The following ADGRG6 variants were observed in gnomAD, a reference collection of about 807,000 sequenced individuals.
ADGRG6 encodes the protein adhesion G protein-coupled receptor G6.
A neutral mutation model predicts 142.4 loss-of-function variants in ADGRG6; 84 were observed. The ratio of observed to expected loss-of-function variants is 0.59; its 90% CI spans 0.49 to 0.71. The LOEUF is 0.71. Among genes scored for constraint, ADGRG6 ranks in the 30% least tolerant of loss-of-function variants. ADGRG6 has a pLI of 0.00. For synonymous variants in ADGRG6, 521 were observed against 520.5 expected, an observed-to-expected ratio of 1.00 and a Z score of -0.01; for missense variants, 1,367 against 1,466.6, an observed-to-expected ratio of 0.93 and a Z score of 1.11.
At chr6:142,414,596 G>T (rs1582654885) in intron 18 of ADGRG6, among the ~76,000 whole-genome samples, 1 of 152,106 alleles carries the variant, frequency 6.6e-6, no homozygotes, top group Non-Finnish European at 1.5e-5. Context: ...ATTTGAACTG[G>T]TGCCCCAAGC....
chr6:142,413,858 T>A (rs1776215592), intron 18 of ADGRG6, among the ~76,000 whole-genome samples: 2 of 151,280 alleles, frequency 1.3e-5, no homozygotes, highest in Admixed American at 1.3e-4. Flanking sequence ...ACCTGTTCTT[T>A]ACTGCATCAG....
At chr6:142,411,617 T>G (rs1776093198) in intron 18 of ADGRG6, among the ~76,000 whole-genome samples, 1 of 152,152 alleles carries the variant, frequency 6.6e-6, no homozygotes, top group Non-Finnish European at 1.5e-5. Context: ...GAAAAGAACT[T>G]TCTCCCTTTT....
At chr6:142,423,471 G>C (rs1459611114) in intron 22 of ADGRG6, among the ~76,000 whole-genome samples, 2 of 151,760 alleles carry the variant, frequency 1.3e-5, no homozygotes, top group Non-Finnish European at 2.9e-5. Context: ...TCAAAGATCA[G>C]ATAGTTGTAG....
In ADGRG6 at chr6:142,370,621, A is replaced by T. The variant is rs1781195821; in HGVS notation, c.897A>T (p.Glu299Asp). 1 of 1,613,508 alleles carries T rather than the reference A, an allele frequency of 6.2e-7. No homozygotes were observed. The highest frequency in any genetic ancestry group is 8.5e-7 in the Non-Finnish European group (1 of 1,179,496). The part of the protein sequence containing the change: ...GKLLLGSNQN[E>D]IVSLKGDIYN... Reference sequence around the variant, plus strand: ...TGTTGTTGGGCTCCAATCAAAATGAAATTGTCTCTCTAAAAGGGGACATTT... The same window carrying T: ...TGTTGTTGGGCTCCAATCAAAATGATATTGTCTCTCTAAAAGGGGACATTT... Residue 299 changes from glutamate to aspartate, a missense_variant, in exon 4 of 25, where the codon GAA (glutamate) becomes GAT (aspartate). Physicochemically the swap from Glu to Asp is conservative, Grantham distance 45. Transcript: ENST00000367609.
At chr6:142,333,349 A>G (rs1779156718) in intron 2 of ADGRG6, among the ~76,000 whole-genome samples, 1 of 152,066 alleles carries the variant, frequency 6.6e-6, no homozygotes, top group Non-Finnish European at 1.5e-5. Flanking sequence ...ATCCCCTCTG[A>G]CCCATTGTAC....
At chr6:142,368,544 GT>G (rs974109068) in intron 3 of ADGRG6, among the ~76,000 whole-genome samples, 14 of 147,848 alleles carry the variant, frequency 9.5e-5, no homozygotes, top group South Asian at 2.1e-4. Context: ...TAGTTATACT[GT>G]TTTTTTTTTC....
At chr6:142,339,080 C>G (rs1779492959) in intron 2 of ADGRG6, among the ~76,000 whole-genome samples, 1 of 152,198 alleles carries the variant, frequency 6.6e-6, no homozygotes, top group African/African-American at 2.4e-5. Flanking sequence ...TAACCTGTCT[C>G]TCACAGTAGT....
chr6:142,355,523 T>A (rs1258251211), intron 2 of ADGRG6, among the ~76,000 whole-genome samples: 1 of 152,186 alleles, frequency 6.6e-6, no homozygotes, highest in Non-Finnish European at 1.5e-5. Context: ...GCAGAGATTT[T>A]GAATGATCAT....
chr6:142,316,570 CCTTT>C (rs1389624231), intron 2 of ADGRG6, among the ~76,000 whole-genome samples: 2 of 152,088 alleles, frequency 1.3e-5, no homozygotes, highest in Non-Finnish European at 2.9e-5. Context: ...ACACACAGTT[CCTTT>C]CTTCTGTCCT....
At chr6:142,348,319 T>G (rs999446183) in intron 2 of ADGRG6, among the ~76,000 whole-genome samples, 1 of 152,170 alleles carries the variant, frequency 6.6e-6, no homozygotes, top group Non-Finnish European at 1.5e-5. Flanking sequence ...TTCTTAAAAT[T>G]AGACTCAGCA....
intron 2 of ADGRG6, among the ~76,000 whole-genome samples, chr6:142,314,329 C>T (rs1171057716): frequency 6.6e-6 from 1 of 152,168 alleles, no homozygotes; most frequent in African/African-American, 2.4e-5. Context: ...AAACTGACAC[C>T]ACTTAAATGA....
intron 2 of ADGRG6, among the ~76,000 whole-genome samples, chr6:142,317,967 A>ATTGTATATATTTATATTATATAT (rs1562306511): frequency 6.0e-5 from 4 of 66,244 alleles, no homozygotes; most frequent in African/African-American, 2.6e-4. Flanking sequence ...ATATTTATAT[A>ATTGTATATATTTATATTATATAT]TTATATATAT....
chr6:142,394,848 C>T (rs1018844744), intron 9 of ADGRG6, among the ~76,000 whole-genome samples: 3 of 151,860 alleles, frequency 2.0e-5, no homozygotes, highest in Non-Finnish European at 2.9e-5. Flanking sequence ...CAGCCCCCCC[C>T]AGAGTGCTGG....
intron 4 of ADGRG6, among the ~76,000 whole-genome samples, chr6:142,376,981 G>A (rs1315458396): frequency 2.0e-5 from 3 of 152,316 alleles, no homozygotes; most frequent in African/African-American, 7.2e-5. Flanking sequence ...TTAACATATA[G>A]TGACTCCTTT....
intron 2 of ADGRG6, among the ~76,000 whole-genome samples, chr6:142,354,265 G>C (rs1158836636): frequency 6.6e-6 from 1 of 152,122 alleles, no homozygotes; most frequent in Non-Finnish European, 1.5e-5. Context: ...TGTAATCCCG[G>C]CTACTCAGGA....
intron 2 of ADGRG6, among the ~76,000 whole-genome samples, chr6:142,334,517 G>A (rs927191955): frequency 6.6e-6 from 1 of 152,186 alleles, no homozygotes; most frequent in Non-Finnish European, 1.5e-5. Flanking sequence ...AAAAGCTACA[G>A]GAAGTATGTC....
At chr6:142,371,955 G>A (rs1781281481) in intron 4 of ADGRG6, among the ~76,000 whole-genome samples, 1 of 152,002 alleles carries the variant, frequency 6.6e-6, no homozygotes, top group South Asian at 2.1e-4. Context: ...TCTTAATCAG[G>A]AATTATCCAT....
At chr6:142,387,832 G>T (rs1393178101) in intron 6 of ADGRG6, among the ~76,000 whole-genome samples, 1 of 152,154 alleles carries the variant, frequency 6.6e-6, no homozygotes, top group Non-Finnish European at 1.5e-5. Context: ...TCTACATGCT[G>T]AAAGAAGTAT....
At chr6:142,415,256 A>G (rs1483659848) in intron 19 of ADGRG6, among the ~76,000 whole-genome samples, 160 bp downstream of exon 19, 3 of 152,178 alleles carry the variant, frequency 2.0e-5, no homozygotes, top group African/African-American at 7.2e-5. Flanking sequence ...TTTTCCAGCT[A>G]TAGAATTTTA....
Sources: allele counts gnomAD v4.1 joint callset (sites outside exome capture counted in the v4.1 genomes callset), GRCh38; gene constraint gnomAD v4.1.1; transcripts MANE v1.5; gene names NCBI Gene and HGNC (gene_info 2026-07-23, HGNC 2026-07-21).